The following PCDH15 variants were observed in gnomAD, a reference collection of about 807,000 sequenced individuals.
PCDH15 encodes protocadherin-15.
Under a neutral mutation model 178.5 loss-of-function variants are expected in PCDH15, and 129 were observed. The ratio of observed to expected loss-of-function variants is 0.72; its 90% CI spans 0.63 to 0.84. PCDH15 has a LOEUF of 0.84. Ranked by LOEUF, PCDH15 falls within the 40% of genes least tolerant of loss-of-function variation. PCDH15 has a pLI of 0.00. For missense variants in PCDH15, 2,230 were observed against 2,099.9 expected, an observed-to-expected ratio of 1.06 and a Z score of -1.21; for synonymous variants, 800 against 732.0, an observed-to-expected ratio of 1.09 and a Z score of -1.50.
At chr10:54,623,619 A>G (rs2093455774) in intron 2 of PCDH15, among the ~76,000 whole-genome samples, 1 of 152,098 alleles carries the variant, frequency 6.6e-6, no homozygotes, top group Non-Finnish European at 1.5e-5. Context: ...AAATAATGCC[A>G]TATTTTGGGC....
chr10:54,760,988 C>A lies in PCDH15; in HGVS notation c.-29+39937G>T, dbSNP rs555534363. On this transcript the variant is annotated intron_variant, in intron 1 of 37. Coordinates refer to ENST00000644397, the MANE Select transcript of PCDH15 (RefSeq NM_001384140.1). ...ACAATATAGTTCAACTATATTGGCT[C>A]GAATCAATATAACTGGTAGTTTAAG... 8.6e-5 allele frequency among the ~76,000 whole-genome samples: 13 copies of A among 152,036 alleles called. No homozygotes were observed. In the South Asian group the frequency reaches 2.7e-3, roughly 32 times the overall value.
intron 2 of PCDH15, among the ~76,000 whole-genome samples, chr10:55,354,019 C>G (rs1393034411): frequency 6.6e-6 from 1 of 152,042 alleles, no homozygotes; most frequent in African/African-American, 2.4e-5. Flanking sequence ...CCCCTTCACC[C>G]TCACTCCTGA....
intron 28 of PCDH15, among the ~76,000 whole-genome samples, chr10:53,851,156 T>C (rs1217523030): frequency 6.6e-6 from 1 of 152,096 alleles, no homozygotes; most frequent in African/African-American, 2.4e-5. Flanking sequence ...CATCACTTAA[T>C]ATAGATGTCT....
At chr10:55,529,650 G>T (rs1400316841) in intron 2 of PCDH15, among the ~76,000 whole-genome samples, 4 of 147,804 alleles carry the variant, frequency 2.7e-5, no homozygotes, top group Non-Finnish European at 5.9e-5. Context: ...AACTTCTCCT[G>T]TTCTTTACTA....
At chr10:53,897,512 T>C (rs995231511) in intron 26 of PCDH15, among the ~76,000 whole-genome samples, 9 of 152,232 alleles carry the variant, frequency 5.9e-5, no homozygotes, top group Admixed American at 2.0e-4. Context: ...TCTCCTCTTT[T>C]TCTTTACTGT....
chr10:55,267,396 T>C (rs957094319), intron 1 of PCDH15, among the ~76,000 whole-genome samples: 7 of 152,348 alleles, frequency 4.6e-5, no homozygotes, highest in African/African-American at 1.4e-4. Flanking sequence ...TTGTGTTAAC[T>C]AAATTAAACT....
intron 2 of PCDH15, among the ~76,000 whole-genome samples, chr10:55,372,767 A>G (rs966589527): frequency 9.9e-5 from 15 of 152,162 alleles, no homozygotes; most frequent in South Asian, 2.1e-4. Context: ...CCCTTCTGAC[A>G]CATCATTTCT....
At chr10:54,081,397 T>C (rs762296652) in intron 16 of PCDH15, among the ~76,000 whole-genome samples, 13 of 152,006 alleles carry the variant, frequency 8.6e-5, no homozygotes, top group Non-Finnish European at 1.6e-4. Context: ...GTGAACAATA[T>C]AGTATACAGT....
intron 2 of PCDH15, among the ~76,000 whole-genome samples, chr10:55,543,448 T>C (rs1841808826): frequency 6.6e-6 from 1 of 150,846 alleles, no homozygotes; most frequent in African/African-American, 2.4e-5. Context: ...TAGTTGTTCA[T>C]AGAAATGCTG....
intron 2 of PCDH15, among the ~76,000 whole-genome samples, chr10:54,913,984 G>C (rs915827996): frequency 2.6e-5 from 4 of 152,132 alleles, no homozygotes; most frequent in Non-Finnish European, 5.9e-5. Flanking sequence ...CAGGCAGTAG[G>C]GGGTTGCCTT....
chr10:54,027,305 G>A (rs971522323), intron 18 of PCDH15, among the ~76,000 whole-genome samples: 1 of 150,776 alleles, frequency 6.6e-6, no homozygotes, highest in African/African-American at 2.5e-5. Context: ...AGAAACAAAT[G>A]GAAGAACATT....
chr10:55,527,329 C>T (rs1282742106), intron 2 of PCDH15, among the ~76,000 whole-genome samples: 1 of 152,076 alleles, frequency 6.6e-6, no homozygotes, highest in Non-Finnish European at 1.5e-5. Context: ...GAATTTGCTC[C>T]ATGCCTCTTG....
chr10:55,233,284 T>A (rs1841279495), intron 1 of PCDH15, among the ~76,000 whole-genome samples: 1 of 152,162 alleles, frequency 6.6e-6, no homozygotes, highest in African/African-American at 2.4e-5. Flanking sequence ...TCAATAGCTT[T>A]GCTTTTACTT....
At chr10:53,979,947 G>T (rs911501148) in intron 21 of PCDH15, among the ~76,000 whole-genome samples, 68 of 152,284 alleles carry the variant, frequency 4.5e-4, no homozygotes, top group African/African-American at 1.6e-3. Flanking sequence ...GGCCAGGTGC[G>T]GCGGCTCACG....
intron 2 of PCDH15, among the ~76,000 whole-genome samples, chr10:54,644,926 C>T (rs755682231): frequency 5.9e-5 from 9 of 152,092 alleles, no homozygotes; most frequent in South Asian, 2.1e-4. Flanking sequence ...CCAAAGGATG[C>T]GGCAACAGGC....
chr10:55,346,245 G>C (rs960350543), intron 2 of PCDH15, among the ~76,000 whole-genome samples: 1 of 152,196 alleles, frequency 6.6e-6, no homozygotes, highest in African/African-American at 2.4e-5. Context: ...AAAGAAAAAT[G>C]AACAAATCTG....
chr10:55,115,508 C>A (rs1480734460), intron 2 of PCDH15, among the ~76,000 whole-genome samples: 1 of 152,140 alleles, frequency 6.6e-6, no homozygotes, highest in African/African-American at 2.4e-5. Flanking sequence ...CTTGAACATT[C>A]CTTGTCATTT....
At chr10:53,890,973 G>T (rs948324342) in intron 26 of PCDH15, among the ~76,000 whole-genome samples, 1 of 152,022 alleles carries the variant, frequency 6.6e-6, no homozygotes, top group East Asian at 1.9e-4. Flanking sequence ...TCTTCATAAC[G>T]CATTTTAAGG....
chr10:54,677,422 G>T (rs2094810450), intron 1 of PCDH15, among the ~76,000 whole-genome samples: 1 of 151,988 alleles, frequency 6.6e-6, no homozygotes, highest in Admixed American at 6.6e-5. Context: ...TGTAAATGGG[G>T]GTGTATGAAG....
Sources: allele counts gnomAD v4.1 joint callset (sites outside exome capture counted in the v4.1 genomes callset), GRCh38; gene constraint gnomAD v4.1.1; transcripts MANE v1.5; gene names NCBI Gene and HGNC (gene_info 2026-07-23, HGNC 2026-07-21).